The following KIAA0319 variants were observed in gnomAD, a reference collection of about 807,000 sequenced individuals.
The protein encoded by KIAA0319 is dyslexia-associated protein KIAA0319.
A neutral mutation model predicts 108.4 loss-of-function variants in KIAA0319; 83 were observed. That is an observed-to-expected ratio of 0.77 (90% confidence interval 0.64 to 0.92). The LOEUF is 0.92. KIAA0319 is among the 40% of genes least tolerant of loss of function. KIAA0319 has a pLI of 0.00. For synonymous variants in KIAA0319, 484 were observed against 510.4 expected (o/e 0.95, Z 0.70); for missense variants, 1,195 against 1,322.4 (o/e 0.90, Z 1.49).
intron 1 of KIAA0319, among the ~76,000 whole-genome samples, chr6:24,601,718 A>C (rs1477980701): frequency 3.9e-5 from 6 of 152,206 alleles, no homozygotes; most frequent in Non-Finnish European, 8.8e-5. Context: ...AGAAGGGATA[A>C]AAATTAAGGA....
chr6:24,547,135 G>A lies in KIAA0319; in HGVS notation c.*30C>T. 1 of 1,610,642 alleles carries A rather than the reference G, an allele frequency of 6.2e-7. No homozygotes were observed. The highest frequency in any genetic ancestry group is 8.5e-7 in the Non-Finnish European group (1 of 1,177,230). ...CCACTGACTGGTCTTGGATTCAAGG[G>A]GTCCTTCCACTTTACAATGAACTGC... On this transcript the variant is annotated 3_prime_UTR_variant, in exon 21 of 21. Coordinates refer to ENST00000378214, the MANE Select transcript of KIAA0319 (RefSeq NM_014809.4).
At chr6:24,554,744 G>T in intron 18 of KIAA0319, 113 bp from the exon 19 acceptor site, 1 of 742,724 alleles carries the variant, frequency 1.3e-6, no homozygotes. Flanking sequence ...GGCCACCTGT[G>T]GAGTTGATAA....
intron 16 of KIAA0319, among the ~76,000 whole-genome samples, chr6:24,562,934 C>G (rs1179054443): frequency 6.6e-6 from 1 of 152,102 alleles, no homozygotes; most frequent in East Asian, 1.9e-4. Context: ...AGAGTTTCAG[C>G]CTCATATACT....
chr6:24,563,426 C>A lies in KIAA0319; in HGVS notation c.2524G>T (p.Ala842Ser), dbSNP rs372809373. The A allele has an allele frequency of 7.1e-5, 114 of 1,613,808 alleles. No homozygotes were observed. Among genetic ancestry groups the A allele is most frequent in the Non-Finnish European group, 9.0e-5 (106 of 1,179,956 alleles). The change falls in exon 16 of 21, where the codon GCT (alanine) becomes TCT (serine). Residue 842 changes from alanine to serine, a missense_variant. Ala to Ser is a moderately conservative substitution (Grantham distance 99). Transcript: ENST00000378214. ...QRKDTLVRQL[A>S]VLLNVLDSDI... ...GAGTCCAGCACGTTCAGCAGCACAG[C>A]CAGCTGCCTCACAAGGGTGTCCTTC...
intron 2 of KIAA0319, chr6:24,598,921 A>C: frequency 2.1e-6 from 1 of 474,996 alleles, no homozygotes. Context: ...GCGATGGAGA[A>C]TGAATTTGTC....
intron 1 of KIAA0319, among the ~76,000 whole-genome samples, chr6:24,606,266 C>T (rs1193499872): frequency 6.6e-6 from 1 of 152,072 alleles, no homozygotes; most frequent in Non-Finnish European, 1.5e-5. Context: ...CCTCATATTT[C>T]TGGCCATATC....
chr6:24,571,191 C>T (rs564231957), intron 11 of KIAA0319, among the ~76,000 whole-genome samples: 1 of 141,012 alleles, frequency 7.1e-6, no homozygotes, highest in Non-Finnish European at 1.5e-5. Flanking sequence ...GACTCTGTCT[C>T]GAGGGAAAAA....
At chr6:24,627,461 T>C (rs1478243170) in intron 1 of KIAA0319, among the ~76,000 whole-genome samples, 1 of 73,438 alleles carries the variant, frequency 1.4e-5, no homozygotes. Context: ...CTCCCTTCCT[T>C]CTTTCCTTTT....
intron 1 of KIAA0319, among the ~76,000 whole-genome samples, chr6:24,644,382 A>G (rs1777350596): frequency 6.6e-6 from 1 of 152,172 alleles, no homozygotes; most frequent in Admixed American, 6.6e-5. Context: ...TTCTATGTTT[A>G]ATATTAGAAG....
Position 24,572,641 on chromosome 6 carries a change from G to A in KIAA0319, c.1792C>T (p.Gln598Ter). 1 of 1,613,888 alleles carries A rather than the reference G, an allele frequency of 6.2e-7. No individual in the cohort carries two copies. Among genetic ancestry groups the A allele is most frequent in the East Asian group, 2.2e-5 (1 of 44,888 alleles). The change falls in exon 11 of 21, where the codon CAG (glutamine) becomes TAG (stop). Residue 598 changes from glutamine (Q) to a stop codon, truncating the protein, a stop_gained. Transcript: ENST00000378214. LOFTEE classifies it high-confidence loss of function. ...CTTGAAGAATCTGTCACCTTCAGCT[G>A]AAATGTATAATCTCCTTCCTGCATT... Reference protein sequence around the residue: ...SAMQEGDYTFQLKVTDSSRQQ... With the variant: ...SAMQEGDYTF
At chr6:24,586,096 C>T (rs1767443922) in intron 4 of KIAA0319, among the ~76,000 whole-genome samples, 1 of 150,760 alleles carries the variant, frequency 6.6e-6, no homozygotes, top group Non-Finnish European at 1.5e-5. Flanking sequence ...TCAAAACAAA[C>T]AAAAAAAAAC....
chr6:24,553,538 C>T (rs1166463171), intron 19 of KIAA0319, among the ~76,000 whole-genome samples: 3 of 151,920 alleles, frequency 2.0e-5, no homozygotes, highest in South Asian at 2.1e-4. Context: ...CTTTCTGTCT[C>T]GGAGCTGGCT....
intron 17 of KIAA0319, 91 bp downstream of exon 17, chr6:24,558,922 A>G: frequency 7.9e-7 from 1 of 1,262,964 alleles, no homozygotes; most frequent in Non-Finnish European, 1.1e-6. Context: ...CTAAAGTGAA[A>G]ATGTTCACAT....
chr6:24,574,243 G>A (rs1457263727), intron 10 of KIAA0319, among the ~76,000 whole-genome samples: 3 of 152,090 alleles, frequency 2.0e-5, no homozygotes, highest in Non-Finnish European at 4.4e-5. Flanking sequence ...AGATCAGCCT[G>A]GGCAACATGG....
At position 24,583,043 on chromosome 6, in the gene KIAA0319, C is replaced by A. The variant is rs75085534; in HGVS notation, c.1093+561G>T. Reference sequence around the variant, plus strand: ...AACCTGAATGAGAAATAGTCAAACACCTTAAGAATGAGTTTACCTTAAAAA... The same window carrying A: ...AACCTGAATGAGAAATAGTCAAACAACTTAAGAATGAGTTTACCTTAAAAA... On this transcript the variant is annotated intron_variant, in intron 5 of 20. Transcript: ENST00000378214. The A allele has an allele frequency of 2.1e-3, 2,066 of 983,150 alleles. 16 individuals carry two copies. The African/African-American group carries it at 0.023, about 11-fold the overall frequency. The allele number at this position is 983,150 out of a possible 1,614,324, so 60.9% of individuals were successfully genotyped here. A position where few individuals can be genotyped will look rare whatever the true frequency, so the allele number is the denominator to read the frequency against.
At chr6:24,577,993 T>G in intron 9 of KIAA0319, 117 bp downstream of exon 9, 1 of 1,093,728 alleles carries the variant, frequency 9.1e-7, no homozygotes, top group Non-Finnish European at 1.3e-6. Flanking sequence ...AAAACCCCCA[T>G]GAAAGCCAAA....
At chr6:24,621,294 A>T (rs1397067460) in intron 1 of KIAA0319, among the ~76,000 whole-genome samples, 1 of 152,224 alleles carries the variant, frequency 6.6e-6, no homozygotes, top group Non-Finnish European at 1.5e-5. Flanking sequence ...TTCTCTACTC[A>T]TAGTTCCTTA....
At chr6:24,596,686 ACCAGGAAAAGGGAGTCTTCTCAAT>A in intron 2 of KIAA0319, 68 bp from the exon 3 acceptor site, 1 of 1,456,932 alleles carries the variant, frequency 6.9e-7, no homozygotes, top group Non-Finnish European at 9.2e-7. Flanking sequence ...AGCTTAAGAA[ACCAGGAAAAGGGAGTCTTCTCAAT>A]CCCTGGCCAG....
intron 14 of KIAA0319, among the ~76,000 whole-genome samples, 157 bp downstream of exon 14, chr6:24,566,440 C>A (rs1763908920): frequency 6.6e-6 from 1 of 152,212 alleles, no homozygotes; most frequent in Non-Finnish European, 1.5e-5. Flanking sequence ...GTCTTCCCAG[C>A]CTCCATAATG....
Sources: allele counts gnomAD v4.1 joint callset (sites outside exome capture counted in the v4.1 genomes callset), GRCh38; gene constraint gnomAD v4.1.1; transcripts MANE v1.5; gene names NCBI Gene and HGNC (gene_info 2026-07-23, HGNC 2026-07-21).